HDAC4: variants seen among roughly 807,000 people sequenced by gnomAD.
HDAC4 encodes the protein histone deacetylase A.
Under a neutral mutation model 135.1 loss-of-function variants are expected in HDAC4, and 16 were observed. The ratio of observed to expected loss-of-function variants is 0.12; its 90% CI spans 0.08 to 0.18. The LOEUF is 0.18. HDAC4 is among the 10% of genes least tolerant of loss of function. HDAC4 has a pLI of 1.00. For missense variants in HDAC4, 1,143 were observed against 1,511.8 expected, an observed-to-expected ratio of 0.76 and a Z score of 4.05; for synonymous variants, 685 against 653.4, an observed-to-expected ratio of 1.05 and a Z score of -0.74.
At chr2:239,216,842 T>A (rs1352343777) in intron 3 of HDAC4, among the ~76,000 whole-genome samples, 5 of 152,218 alleles carry the variant, frequency 3.3e-5, no homozygotes, top group Non-Finnish European at 7.3e-5. Flanking sequence ...ATACTCGGCA[T>A]CTTTCTAGGC....
intron 1 of HDAC4, among the ~76,000 whole-genome samples, chr2:239,396,509 G>C (rs1467586481): frequency 1.3e-5 from 2 of 152,124 alleles, no homozygotes; most frequent in Non-Finnish European, 2.9e-5. Flanking sequence ...CCTTCACACT[G>C]AATTGATTAG....
At chr2:239,112,751 C>T (rs567773042) in intron 13 of HDAC4, among the ~76,000 whole-genome samples, 53 of 152,350 alleles carry the variant, frequency 3.5e-4, no homozygotes, top group African/African-American at 1.3e-3. Context: ...ACAAAGAAAG[C>T]CGGGCGCCTC....
At chr2:239,373,776 C>T (rs1174801404) in intron 1 of HDAC4, among the ~76,000 whole-genome samples, 4 of 152,150 alleles carry the variant, frequency 2.6e-5, no homozygotes, top group African/African-American at 7.2e-5. Context: ...GACTTTGTTG[C>T]TAATATCTTT....
At chr2:239,143,671 C>T in intron 8 of HDAC4, among the ~76,000 whole-genome samples, 1 of 152,230 alleles carries the variant, frequency 6.6e-6, no homozygotes, top group East Asian at 1.9e-4. Flanking sequence ...GCGGGTAGGT[C>T]TGGCTCTCAC....
chr2:239,233,088 A>G (rs1415460779), intron 3 of HDAC4, among the ~76,000 whole-genome samples: 1 of 152,280 alleles, frequency 6.6e-6, no homozygotes, highest in African/African-American at 2.4e-5. Flanking sequence ...ATGGAATAAT[A>G]CTAACAACAT....
At chr2:239,277,007 C>T (rs1250341230) in intron 2 of HDAC4, among the ~76,000 whole-genome samples, 1 of 152,188 alleles carries the variant, frequency 6.6e-6, no homozygotes, top group African/African-American at 2.4e-5. Context: ...CAGCCCCTTT[C>T]CACTGCCGCG....
chr2:239,207,438 T>A (rs973036210), intron 3 of HDAC4, among the ~76,000 whole-genome samples: 12 of 152,166 alleles, frequency 7.9e-5, no homozygotes, highest in African/African-American at 2.4e-4. Context: ...AAAATAATTT[T>A]AAAAAGTGAT....
At chr2:239,243,326 G>C (rs973408413) in intron 2 of HDAC4, among the ~76,000 whole-genome samples, 21 of 152,036 alleles carry the variant, frequency 1.4e-4, no homozygotes, top group Non-Finnish European at 2.6e-4. Context: ...CTAGTATTTT[G>C]TATTTTTAGT....
chr2:239,183,681 C>T (rs2044300967), intron 4 of HDAC4, among the ~76,000 whole-genome samples: 1 of 152,206 alleles, frequency 6.6e-6, no homozygotes. Flanking sequence ...CAGAGGGACT[C>T]TGCTCCAAAC....
intron 2 of HDAC4, among the ~76,000 whole-genome samples, chr2:239,279,930 C>T (rs1174412572): frequency 2.0e-5 from 3 of 152,146 alleles, no homozygotes; most frequent in Non-Finnish European, 4.4e-5. Flanking sequence ...TTTCCCTCCC[C>T]GAATTCTAGG....
At chr2:239,197,485 C>G (rs1296565134) in intron 3 of HDAC4, among the ~76,000 whole-genome samples, 2 of 152,188 alleles carry the variant, frequency 1.3e-5, no homozygotes, top group African/African-American at 4.8e-5. Flanking sequence ...GTGCTCCCAT[C>G]GTAGGGGGCT....
intron 1 of HDAC4, among the ~76,000 whole-genome samples, chr2:239,353,211 G>A (rs1693275367): frequency 6.6e-6 from 1 of 152,030 alleles, no homozygotes; most frequent in Non-Finnish European, 1.5e-5. Context: ...ACGGGGTTTT[G>A]CCATGTTGGC....
At chr2:239,054,639 C>T in intron 25 of HDAC4, 110 bp downstream of exon 25, 1 of 783,570 alleles carries the variant, frequency 1.3e-6, no homozygotes, top group South Asian at 1.4e-5. Context: ...GGGGAAGCAG[C>T]CGGCAGTGGG....
intron 2 of HDAC4, among the ~76,000 whole-genome samples, chr2:239,324,609 G>T (rs763171285): frequency 6.6e-6 from 1 of 152,300 alleles, no homozygotes; most frequent in East Asian, 1.9e-4. Context: ...GGACTCTGAC[G>T]CAAGTGGTGA....
Position 239,267,004 on chromosome 2 carries a change from G to GGCAC in HDAC4, c.23-30344_23-30341dup, listed in dbSNP as rs1269705317. Among the ~76,000 whole-genome samples the GGCAC allele has an allele frequency of 9.9e-5, 15 of 152,270 alleles. No homozygotes were observed. The East Asian group carries it at 2.7e-3, about 27-fold the overall frequency. Reference sequence around the variant, plus strand: ...TCAGGACACCACCCTGGGCATCCTGGGCACAGTGGCTGTGCACAGCTGGTG... The same window carrying GGCAC: ...TCAGGACACCACCCTGGGCATCCTGGGCACGCACAGTGGCTGTGCACAGCTGGTG... On this transcript the variant is annotated intron_variant, in intron 2 of 26. Transcript: ENST00000543185.
chr2:239,392,575 C>G (rs7589150), intron 1 of HDAC4, among the ~76,000 whole-genome samples: 8,184 of 152,266 alleles, frequency 0.054, 739 homozygotes, highest in African/African-American at 0.19. Context: ...AATTAAGATA[C>G]ACCCCGCTTG....
chr2:239,114,489 A>G (rs530086271), intron 13 of HDAC4, among the ~76,000 whole-genome samples: 18 of 152,326 alleles, frequency 1.2e-4, no homozygotes, highest in Admixed American at 7.2e-4. Context: ...TAATGTTTCA[A>G]TGGAAATTAA....
chr2:239,337,595 G>C (rs1692022968), intron 2 of HDAC4, among the ~76,000 whole-genome samples: 1 of 152,218 alleles, frequency 6.6e-6, no homozygotes, highest in South Asian at 2.1e-4. Flanking sequence ...TGCTGGGTTT[G>C]ACATTTTGTG....
Position 239,285,669 on chromosome 2 carries a change from T to TA in HDAC4, c.23-49006dup, listed in dbSNP as rs1332121402. Among the ~76,000 whole-genome samples the TA allele has an allele frequency of 6.6e-6, 1 of 152,108 alleles. No homozygotes were observed. Among genetic ancestry groups the TA allele is most frequent in the Non-Finnish European group, 1.5e-5 (1 of 68,004 alleles). On this transcript the variant is annotated intron_variant, in intron 2 of 26. Coordinates refer to ENST00000543185, the MANE Select transcript of HDAC4 (RefSeq NM_001378414.1). This position sits in a 1 kb window ranked among gnomAD's most constrained non-coding sequence, Gnocchi z 4.5. The stretch of plus-strand genomic sequence containing the variant: ...TGCTGTGGAAACCCCAGGTTCTGCA[T>TA]AAGACATACCTTCTGTCACACTGCT...
Sources: gnomAD v4.1 joint callset for allele counts (sites outside exome capture counted in the v4.1 genomes callset) on GRCh38, gnomAD v4.1.1 for gene constraint, Gnocchi (gnomAD v3.1) non-coding constraint, MANE v1.5 for transcripts, NCBI Gene and HGNC (gene_info 2026-07-23, HGNC 2026-07-21) for gene names.